INVS: variants seen among roughly 807,000 people sequenced by gnomAD.
The protein encoded by INVS is inversin.
Under a neutral mutation model 108.8 loss-of-function variants are expected in INVS, and 86 were observed. The ratio of observed to expected loss-of-function variants is 0.79; its 90% confidence interval spans 0.66 to 0.95. The LOEUF (loss-of-function observed/expected upper bound fraction) is 0.95, where lower values mean the gene tolerates loss of function less well. Ranked by LOEUF, INVS falls within the 40% of genes least tolerant of loss-of-function variation. INVS has a pLI of 0.00. For synonymous variants in INVS, 455 were observed against 473.5 expected (o/e 0.96, Z 0.51); for missense variants, 1,169 against 1,297.4 (o/e 0.90, Z 1.52).
chr9:100,209,747 G>C (rs551804473), intron 3 of INVS, among the ~76,000 whole-genome samples: 17 of 137,134 alleles, frequency 1.2e-4, no homozygotes, highest in Admixed American at 2.4e-4. Flanking sequence ...TCCAGCCTGG[G>C]CAACAGAACG....
At chr9:100,206,367 C>T (rs963670041) in intron 3 of INVS, among the ~76,000 whole-genome samples, 11 of 151,478 alleles carry the variant, frequency 7.3e-5, no homozygotes, top group Non-Finnish European at 1.5e-4. Context: ...AGTTTTTTTT[C>T]TTTTTTTCTA....
chr9:100,182,230 A>G (rs1829911795), intron 3 of INVS, among the ~76,000 whole-genome samples: 1 of 152,244 alleles, frequency 6.6e-6, no homozygotes, highest in Non-Finnish European at 1.5e-5. Context: ...CTAAAACACC[A>G]AAAGCAATGG....
At position 100,251,531 on chromosome 9, in the gene INVS, C is replaced by T. The variant is rs1832236561; in HGVS notation, c.1079-752C>T. 2.0e-5 allele frequency among the ~76,000 whole-genome samples: 3 copies of T among 152,234 alleles called. No homozygotes were observed. In the South Asian group the frequency reaches 6.2e-4, roughly 31 times the overall value. On this transcript the variant is annotated intron_variant, in intron 8 of 16. Transcript: ENST00000262457. Reference sequence around the variant, plus strand: ...CAAGAGAGGAGGCCATATTCCATCTCAGTTTTTCTCCAGTGAAGCAAATTC... The same window carrying T: ...CAAGAGAGGAGGCCATATTCCATCTTAGTTTTTCTCCAGTGAAGCAAATTC...
intron 6 of INVS, among the ~76,000 whole-genome samples, chr9:100,241,819 CT>C (rs1183688977): frequency 6.6e-6 from 1 of 152,218 alleles, no homozygotes; most frequent in Non-Finnish European, 1.5e-5. Context: ...TATCCTTGCT[CT>C]GCTAATGGGG....
chr9:100,119,186 A>G (rs1036346621), intron 2 of INVS, among the ~76,000 whole-genome samples: 1 of 152,152 alleles, frequency 6.6e-6, no homozygotes. Context: ...TTTTTTTCAA[A>G]ACCTTTTTAT....
intron 3 of INVS, among the ~76,000 whole-genome samples, chr9:100,158,621 A>C (rs1027757612): frequency 3.3e-5 from 5 of 152,242 alleles, no homozygotes; most frequent in Non-Finnish European, 5.9e-5. Context: ...GTGAATATTA[A>C]CTATTATAAT....
intron 3 of INVS, among the ~76,000 whole-genome samples, chr9:100,214,361 A>G (rs1216434827): frequency 6.6e-6 from 1 of 152,162 alleles, no homozygotes; most frequent in Non-Finnish European, 1.5e-5. Context: ...GCAACCCCCA[A>G]GCTCAAAGGT....
chr9:100,176,036 A>G (rs1031589577), intron 3 of INVS: 7 of 524,014 alleles, frequency 1.3e-5, no homozygotes, highest in African/African-American at 9.6e-5. Context: ...TTCCAAGAAC[A>G]TGCAGCCTGA....
intron 3 of INVS, among the ~76,000 whole-genome samples, chr9:100,181,830 A>G (rs1013757750): frequency 4.6e-5 from 7 of 152,178 alleles, no homozygotes; most frequent in African/African-American, 1.7e-4. Flanking sequence ...CAAAAAGAAC[A>G]AAGCTGGAGA....
intron 3 of INVS, among the ~76,000 whole-genome samples, chr9:100,158,299 A>G (rs966323453): frequency 3.3e-5 from 5 of 152,308 alleles, no homozygotes; most frequent in Admixed American, 2.0e-4. Context: ...TAATGCAAAA[A>G]GCTTTAGCAC....
chr9:100,100,954 A>G (rs1826942186), intron 1 of INVS, among the ~76,000 whole-genome samples: 1 of 35,098 alleles, frequency 2.8e-5, no homozygotes, highest in East Asian at 3.2e-3. Flanking sequence ...ATACATATAT[A>G]TTATATATAT....
chr9:100,203,957 GT>G (rs1354031300), intron 3 of INVS, among the ~76,000 whole-genome samples: 1 of 152,084 alleles, frequency 6.6e-6, no homozygotes, highest in Non-Finnish European at 1.5e-5. Context: ...AATTTTTTAA[GT>G]CCAAAATTTC....
At chr9:100,187,856 A>C (rs1830099761) in intron 3 of INVS, among the ~76,000 whole-genome samples, 1 of 152,026 alleles carries the variant, frequency 6.6e-6, no homozygotes, top group Non-Finnish European at 1.5e-5. Flanking sequence ...TTTATAGTTC[A>C]TCTTGTAGAG....
rs562596444 is a variant in INVS, at chr9:100,142,071, C to T, written c.273+15522C>T. On this transcript the variant is annotated intron_variant, in intron 3 of 16. Transcript: ENST00000262457. ...TGTCTAGCCACCTAATCAGCGTAAGCGTCGCCTAGAGCAATGGGATCTGAT... is the reference window on the plus strand; with the variant it reads ...TGTCTAGCCACCTAATCAGCGTAAGTGTCGCCTAGAGCAATGGGATCTGAT... 5.3e-5 allele frequency among the ~76,000 whole-genome samples: 8 copies of T among 152,264 alleles called. No homozygotes were observed. In the South Asian group the frequency reaches 1.2e-3, roughly 24 times the overall value.
At chr9:100,141,956 G>A (rs1240618046) in intron 3 of INVS, among the ~76,000 whole-genome samples, 1 of 152,192 alleles carries the variant, frequency 6.6e-6, no homozygotes, top group African/African-American at 2.4e-5. Flanking sequence ...AGATTGATAG[G>A]TGGAAGTTTC....
intron 1 of INVS, among the ~76,000 whole-genome samples, chr9:100,099,844 A>C (rs1341766101): frequency 6.6e-6 from 1 of 152,128 alleles, no homozygotes. Context: ...GAGGTCCAGG[A>C]GCCCACGCGA....
chr9:100,285,000 C>T (rs746994594), intron 13 of INVS, among the ~76,000 whole-genome samples: 6 of 152,060 alleles, frequency 3.9e-5, no homozygotes, highest in African/African-American at 9.7e-5. Flanking sequence ...TTTATGCGCC[C>T]GCCTGTATTT....
At chr9:100,175,795 A>G (rs1253251960) in intron 3 of INVS, 1 of 656,232 alleles carries the variant, frequency 1.5e-6, no homozygotes, top group Non-Finnish European at 2.8e-6. Context: ...TAGAACAGCC[A>G]TTCCTGAACA....
chr9:100,114,399 T>C (rs1339238281), intron 2 of INVS, among the ~76,000 whole-genome samples: 3 of 134,578 alleles, frequency 2.2e-5, no homozygotes, highest in Admixed American at 7.5e-5. Flanking sequence ...TTCTTTTTTT[T>C]TTTTTTTTTT....
Sources: gnomAD v4.1 joint callset for allele counts (sites outside exome capture counted in the v4.1 genomes callset) on GRCh38, gnomAD v4.1.1 for gene constraint, MANE v1.5 for transcripts, NCBI Gene and HGNC (gene_info 2026-07-23, HGNC 2026-07-21) for gene names.